TMEM132C: variants seen among roughly 807,000 people sequenced by gnomAD.
TMEM132C encodes protein phosphatase 1, regulatory subunit 152.
In TMEM132C, 29 loss-of-function variants were observed where a neutral mutation model predicts 61.4. The ratio of observed to expected loss-of-function variants is 0.47; its 90% CI spans 0.35 to 0.64. The LOEUF (loss-of-function observed/expected upper bound fraction) is 0.64, where lower values mean the gene tolerates loss of function less well. TMEM132C is among the 30% of genes least tolerant of loss of function. TMEM132C has a pLI of 0.00. For missense variants in TMEM132C, 1,408 were observed against 1,476.9 expected (o/e 0.95, Z 0.76); for synonymous variants, 656 against 633.1 (o/e 1.04, Z -0.54).
At chr12:128,338,433 C>T (rs1230495197) in intron 1 of TMEM132C, among the ~76,000 whole-genome samples, 1 of 152,126 alleles carries the variant, frequency 6.6e-6, no homozygotes, top group African/African-American at 2.4e-5. Flanking sequence ...CCCTTATTTT[C>T]CCTTGGCACA....
intron 2 of TMEM132C, among the ~76,000 whole-genome samples, chr12:128,430,316 T>C (rs1593050611): frequency 6.6e-6 from 1 of 152,044 alleles, no homozygotes; most frequent in South Asian, 2.1e-4. Context: ...GATGGGAGGG[T>C]GAAACTGTTG....
intron 3 of TMEM132C, among the ~76,000 whole-genome samples, chr12:128,547,565 CAAAAAAA>C (rs34135152): frequency 1.5e-5 from 1 of 67,624 alleles, no homozygotes; most frequent in Non-Finnish European, 3.3e-5. Context: ...CTCTGTCTCA[CAAAAAAA>C]AAAAAAAAAA....
chr12:128,649,799 C>T (rs1448650778), intron 4 of TMEM132C, among the ~76,000 whole-genome samples: 1 of 152,190 alleles, frequency 6.6e-6, no homozygotes, highest in African/African-American at 2.4e-5. Context: ...ATGAGGCATT[C>T]CAAAGATGGT....
At chr12:128,467,722 C>G (rs917445401) in intron 2 of TMEM132C, among the ~76,000 whole-genome samples, 6 of 152,150 alleles carry the variant, frequency 3.9e-5, no homozygotes, top group Admixed American at 1.3e-4. Context: ...CAGACTGGAG[C>G]TCTAATACTC....
intron 5 of TMEM132C, among the ~76,000 whole-genome samples, chr12:128,673,963 A>C (rs754408015): frequency 1.7e-3 from 252 of 152,364 alleles, no homozygotes; most frequent in Non-Finnish European, 2.4e-3. Context: ...GCTTCCAAGT[A>C]TATTTGTGTG....
At chr12:128,388,525 G>C (rs557495920) in intron 1 of TMEM132C, among the ~76,000 whole-genome samples, 17 of 152,256 alleles carry the variant, frequency 1.1e-4, no homozygotes, top group Non-Finnish European at 1.6e-4. Flanking sequence ...GGGCCAGTGA[G>C]GCCCCCTGGG....
chr12:128,434,794 G>T (rs995889761), intron 2 of TMEM132C, among the ~76,000 whole-genome samples: 7 of 151,412 alleles, frequency 4.6e-5, no homozygotes, highest in Non-Finnish European at 8.8e-5. Context: ...TTTTATTTTT[G>T]GTATTTTAGT....
At chr12:128,384,385 G>A (rs926950574) in intron 1 of TMEM132C, among the ~76,000 whole-genome samples, 1 of 152,172 alleles carries the variant, frequency 6.6e-6, no homozygotes, top group Non-Finnish European at 1.5e-5. Flanking sequence ...CCCCAGCCTC[G>A]ATGACAACGG....
intron 3 of TMEM132C, among the ~76,000 whole-genome samples, chr12:128,564,956 G>T (rs4882704): frequency 0.049 from 7,412 of 152,204 alleles, 229 homozygotes; most frequent in Middle Eastern, 0.11. Context: ...AATATTATGG[G>T]ATATTGTTAT....
At chr12:128,665,733 G>GCACACACA (rs545639572) in intron 4 of TMEM132C, among the ~76,000 whole-genome samples, 2 of 113,720 alleles carry the variant, frequency 1.8e-5, no homozygotes, top group East Asian at 2.8e-4. Flanking sequence ...ACAAACACAG[G>GCACACACA]CACACACATA....
intron 1 of TMEM132C, among the ~76,000 whole-genome samples, chr12:128,396,317 T>C (rs1474004644): frequency 6.6e-6 from 1 of 151,722 alleles, no homozygotes; most frequent in African/African-American, 2.4e-5. Context: ...TAGGTAGTTG[T>C]AAGTGGGAGT....
intron 1 of TMEM132C, among the ~76,000 whole-genome samples, chr12:128,387,250 A>G (rs1265394056): frequency 2.0e-5 from 3 of 152,104 alleles, no homozygotes; most frequent in African/African-American, 7.2e-5. Flanking sequence ...CAGGACAAGT[A>G]AGCATGTGTG....
chr12:128,385,125 C>T (rs1235127218), intron 1 of TMEM132C, among the ~76,000 whole-genome samples: 2 of 152,210 alleles, frequency 1.3e-5, no homozygotes, highest in African/African-American at 2.4e-5. Context: ...GTGTTGAAAT[C>T]CTGTGTGACT....
chr12:128,595,923 G>A (rs895106061), intron 3 of TMEM132C, among the ~76,000 whole-genome samples: 4 of 152,144 alleles, frequency 2.6e-5, no homozygotes, highest in Admixed American at 2.6e-4. Flanking sequence ...AATTTCCCAG[G>A]AAAAAACTGC....
In TMEM132C at chr12:128,319,145, G is replaced by C. The variant is rs139091180; in HGVS notation, c.85+51658G>C. Among the ~76,000 whole-genome samples the C allele has an allele frequency of 6.9e-3, 1,050 of 152,302 alleles. 9 individuals carry two copies. The highest frequency in any genetic ancestry group is 9.4e-3 in the Non-Finnish European group (639 of 68,028). The stretch of plus-strand genomic sequence containing the variant: ...TCTGGACTCTCTGCTCGTCTTTGTA[G>C]AGCAGGCCTCCTTTGTGGTCAGCCA... On this transcript the variant is annotated intron_variant, in intron 1 of 8. Coordinates refer to ENST00000435159, the MANE Select transcript of TMEM132C (RefSeq NM_001136103.3).
chr12:128,666,873 A>T (rs999529284), intron 4 of TMEM132C, among the ~76,000 whole-genome samples: 2 of 152,238 alleles, frequency 1.3e-5, no homozygotes, highest in East Asian at 3.8e-4. Context: ...GATCGAGACC[A>T]TCCTGGCTAA....
At chr12:128,304,698 A>G (rs907454217) in intron 1 of TMEM132C, among the ~76,000 whole-genome samples, 2 of 152,238 alleles carry the variant, frequency 1.3e-5, no homozygotes, top group Admixed American at 6.5e-5. Flanking sequence ...GACGGCATCC[A>G]CATATGTGAA....
At chr12:128,345,685 T>C (rs1182237852) in intron 1 of TMEM132C, among the ~76,000 whole-genome samples, 2 of 152,252 alleles carry the variant, frequency 1.3e-5, no homozygotes, top group Non-Finnish European at 1.5e-5. Context: ...CTTCTTTTCA[T>C]ATGATTGTTG....
chr12:128,332,291 G>T (rs1188690136), intron 1 of TMEM132C, among the ~76,000 whole-genome samples: 1 of 152,188 alleles, frequency 6.6e-6, no homozygotes, highest in Non-Finnish European at 1.5e-5. Context: ...AAGAAGGTAT[G>T]CCTCCCTGTT....
Sources: allele counts gnomAD v4.1 joint callset (sites outside exome capture counted in the v4.1 genomes callset), GRCh38; gene constraint gnomAD v4.1.1; transcripts MANE v1.5; gene names NCBI Gene and HGNC (gene_info 2026-07-23, HGNC 2026-07-21).